UNC5D: variants seen among roughly 807,000 people sequenced by gnomAD.
UNC5D encodes the protein netrin receptor UNC5D.
UNC5D carries 39 observed loss-of-function variants against 105.4 expected under a neutral mutation model. That is an observed-to-expected ratio of 0.37 (90% CI 0.29 to 0.48). The LOEUF (loss-of-function observed/expected upper bound fraction) is 0.48, where lower values mean the gene tolerates loss of function less well. Ranked by LOEUF, UNC5D falls within the 20% of genes least tolerant of loss-of-function variation. The probability of loss-of-function intolerance (pLI) is 0.98; values close to 1 mark genes in which losing one functional copy is unlikely to be tolerated. For missense variants in UNC5D, 991 were observed against 1,202.4 expected (o/e 0.82, Z 2.60); for synonymous variants, 452 against 450.4 (o/e 1.00, Z -0.04).
intron 1 of UNC5D, among the ~76,000 whole-genome samples, chr8:35,407,664 A>AT (rs1204474113): frequency 1.3e-5 from 2 of 151,830 alleles, no homozygotes; most frequent in African/African-American, 4.8e-5. Context: ...CCCATTAGTT[A>AT]TTTTTTCTGA....
chr8:35,467,553 A>G (rs979571342), intron 1 of UNC5D, among the ~76,000 whole-genome samples: 49 of 148,938 alleles, frequency 3.3e-4, no homozygotes, highest in Non-Finnish European at 5.2e-4. Flanking sequence ...CTTCCATGCC[A>G]TAATGAAACT....
At chr8:35,300,130 T>C (rs1003778702) in intron 1 of UNC5D, among the ~76,000 whole-genome samples, 4 of 152,000 alleles carry the variant, frequency 2.6e-5, no homozygotes, top group Non-Finnish European at 5.9e-5. Flanking sequence ...ACTTCTCTTA[T>C]GCCTTAGTTT....
chr8:35,787,881 A>T (rs1173510631), intron 16 of UNC5D, among the ~76,000 whole-genome samples: 1 of 152,104 alleles, frequency 6.6e-6, no homozygotes, highest in Non-Finnish European at 1.5e-5. Flanking sequence ...GGGCCACCAC[A>T]CTCAGCCAAA....
intron 2 of UNC5D, among the ~76,000 whole-genome samples, chr8:35,559,153 G>T (rs749038944): frequency 6.6e-6 from 1 of 152,104 alleles, no homozygotes; most frequent in East Asian, 1.9e-4. Context: ...ATCATGAAGC[G>T]CTATAATGTG....
chr8:35,613,595 C>T (rs1364365205), intron 4 of UNC5D, among the ~76,000 whole-genome samples: 1 of 152,136 alleles, frequency 6.6e-6, no homozygotes, highest in Non-Finnish European at 1.5e-5. Flanking sequence ...TGGTCACTCA[C>T]GCCTGTAATC....
At chr8:35,583,226 G>A (rs1285614892) in intron 3 of UNC5D, among the ~76,000 whole-genome samples, 3 of 152,150 alleles carry the variant, frequency 2.0e-5, no homozygotes, top group Non-Finnish European at 4.4e-5. Flanking sequence ...GATGGCATGT[G>A]CCTGTAGTTC....
chr8:35,713,650 A>G (rs1332059762), intron 8 of UNC5D, among the ~76,000 whole-genome samples: 1 of 152,206 alleles, frequency 6.6e-6, no homozygotes, highest in Non-Finnish European at 1.5e-5. Flanking sequence ...TACTAAAAGG[A>G]GCTGTAAACA....
intron 1 of UNC5D, among the ~76,000 whole-genome samples, chr8:35,515,542 G>T (rs1813048275): frequency 6.6e-6 from 1 of 152,082 alleles, no homozygotes; most frequent in African/African-American, 2.4e-5. Context: ...AAAATTAGCT[G>T]GATGTGGTGG....
intron 4 of UNC5D, among the ~76,000 whole-genome samples, chr8:35,601,068 A>G (rs1241550165): frequency 2.0e-5 from 3 of 152,074 alleles, no homozygotes; most frequent in Admixed American, 1.3e-4. Context: ...TCCTATCCCT[A>G]TTGCTTGTTT....
intron 1 of UNC5D, among the ~76,000 whole-genome samples, chr8:35,247,415 A>G (rs771674283): frequency 6.8e-6 from 1 of 146,814 alleles, no homozygotes; most frequent in Non-Finnish European, 1.5e-5. Flanking sequence ...GGGTGCCTTA[A>G]GTCTTAATCT....
intron 2 of UNC5D, among the ~76,000 whole-genome samples, chr8:35,550,141 T>C (rs1203603276): frequency 6.6e-6 from 1 of 152,160 alleles, no homozygotes; most frequent in Non-Finnish European, 1.5e-5. Flanking sequence ...TATTGACCAC[T>C]CACTATATAT....
Position 35,711,158 on chromosome 8 carries a change from C to T in UNC5D, c.1117+5197C>T, listed in dbSNP as rs558225113. Among the ~76,000 whole-genome samples the T allele has an allele frequency of 8.9e-5, 13 of 145,882 alleles. 1 individual carries two copies. The South Asian group carries it at 2.4e-3, about 27-fold the overall frequency. On this transcript the variant is annotated intron_variant, in intron 8 of 16. Coordinates refer to ENST00000404895, the MANE Select transcript of UNC5D (RefSeq NM_080872.4). ...ACTTAACATGTATATGATCTGGTCC[C>T]GGCTTTCTGTTTTTGTTTTGTTTTG...
chr8:35,431,225 G>A (rs1184435150), intron 1 of UNC5D, among the ~76,000 whole-genome samples: 1 of 152,122 alleles, frequency 6.6e-6, no homozygotes, highest in African/African-American at 2.4e-5. Context: ...TGTAAAAAGG[G>A]TAGTTATCAT....
intron 4 of UNC5D, among the ~76,000 whole-genome samples, chr8:35,658,960 A>G (rs185585611): frequency 6.6e-6 from 1 of 152,274 alleles, no homozygotes; most frequent in East Asian, 1.9e-4. Flanking sequence ...CGGCAGAGTG[A>G]CACATTTTTT....
chr8:35,442,663 A>C (rs1445950373), intron 1 of UNC5D, among the ~76,000 whole-genome samples: 1 of 151,984 alleles, frequency 6.6e-6, no homozygotes, highest in African/African-American at 2.4e-5. Flanking sequence ...CAAGCACAAC[A>C]AAATTCACCA....
rs1451132000 is a variant in UNC5D at position 35,791,300 on chromosome 8, T to A, written c.*737T>A. On this transcript the variant is annotated 3_prime_UTR_variant, in exon 17 of 17. Transcript: ENST00000404895. ...AGGTATCAAGGAGCATAATTAAACTTGTCAATACGGAAAGTTGTTTTTTCT... is the reference window on the plus strand; with the variant it reads ...AGGTATCAAGGAGCATAATTAAACTAGTCAATACGGAAAGTTGTTTTTTCT... 2.0e-5 allele frequency: 3 copies of A among 152,604 alleles called. No homozygotes were observed. Among genetic ancestry groups the A allele is most frequent in the Non-Finnish European group, 4.4e-5 (3 of 68,268 alleles). The allele number at this position is 152,604 out of a possible 1,614,324, so 9.5% of individuals were successfully genotyped here. A position where few individuals can be genotyped will look rare whatever the true frequency, so the allele number is the denominator to read the frequency against.
chr8:35,775,149 T>G (rs1802188111), intron 16 of UNC5D, among the ~76,000 whole-genome samples: 1 of 152,086 alleles, frequency 6.6e-6, no homozygotes, highest in South Asian at 2.1e-4. Context: ...ACGTCTCCCC[T>G]CTACTATCGG....
At chr8:35,321,399 C>T (rs1286422169) in intron 1 of UNC5D, among the ~76,000 whole-genome samples, 2 of 152,182 alleles carry the variant, frequency 1.3e-5, no homozygotes, top group Non-Finnish European at 2.9e-5. Flanking sequence ...CTGCTGTTCT[C>T]GTGGTAGTGA....
At chr8:35,318,859 A>T (rs184187375) in intron 1 of UNC5D, among the ~76,000 whole-genome samples, 3 of 152,230 alleles carry the variant, frequency 2.0e-5, no homozygotes, top group Admixed American at 2.0e-4. Flanking sequence ...TTCTAGAATT[A>T]GCTGTAACCT....
Sources: allele counts gnomAD v4.1 joint callset (sites outside exome capture counted in the v4.1 genomes callset), GRCh38; gene constraint gnomAD v4.1.1; transcripts MANE v1.5; gene names NCBI Gene and HGNC (gene_info 2026-07-23, HGNC 2026-07-21).